The following WDR1 variants were observed in gnomAD, a reference collection of about 807,000 sequenced individuals.
The protein encoded by WDR1 is WD repeat-containing protein 1.
Under a neutral mutation model 71.9 loss-of-function variants are expected in WDR1, and 21 were observed. That is an observed-to-expected ratio of 0.29 (90% confidence interval 0.21 to 0.42). The LOEUF is 0.42. Among genes scored for constraint, WDR1 ranks in the 10% least tolerant of loss-of-function variants. The pLI, the probability that WDR1 is intolerant of heterozygous loss-of-function variation, is 1.00. For missense variants in WDR1, 696 were observed against 824.5 expected (o/e 0.84, Z 1.91); for synonymous variants, 424 against 347.4 (o/e 1.22, Z -2.45).
At chr4:10,098,013 A>G in intron 4 of WDR1, 122 bp from the exon 5 acceptor site, 5 of 1,019,056 alleles carry the variant, frequency 4.9e-6, no homozygotes, top group Non-Finnish European at 6.9e-6. Flanking sequence ...GTCAGCAGGC[A>G]GCTCAGAACG....
At chr4:10,102,301 C>T (rs1457010490) in intron 3 of WDR1, among the ~76,000 whole-genome samples, 2 of 152,216 alleles carry the variant, frequency 1.3e-5, no homozygotes, top group Admixed American at 6.5e-5. Context: ...ACTAAGGCTA[C>T]GCCACCAGTA....
chr4:10,116,798 G>T lies in WDR1; in HGVS notation c.-132C>A, dbSNP rs1461808785. 1.1e-5 allele frequency: 12 copies of T among 1,099,088 alleles called. No individual in the cohort carries two copies. The highest frequency in any genetic ancestry group is 3.5e-4 in the Middle Eastern group (1 of 2,850). The allele number at this position is 1,099,088 out of a possible 1,614,324, so 68.1% of individuals were successfully genotyped here. A position where few individuals can be genotyped will look rare whatever the true frequency, so the allele number is the denominator to read the frequency against. ...CGGCACCGGGCGTGCCGGGAGTGGA[G>T]TGGGCGGTCCGAGGCCGGGGCTCAG... is the stretch of plus-strand genomic sequence containing the variant. On this transcript the variant is annotated 5_prime_UTR_variant, in exon 1 of 15. Transcript: ENST00000499869.
intron 6 of WDR1, 121 bp from the exon 7 acceptor site, chr4:10,088,494 T>A: frequency 8.3e-7 from 1 of 1,199,192 alleles, no homozygotes; most frequent in Non-Finnish European, 1.2e-6. Context: ...CAGTGTGGTT[T>A]AAAAGCAGAC....
Position 10,074,632 on chromosome 4 carries a change from T to G in WDR1, c.*746A>C, listed in dbSNP as rs1381558695. On this transcript the variant is annotated 3_prime_UTR_variant, in exon 15 of 15. Transcript: ENST00000499869. ...AAGACAGGGGAACATCAAAGCATGA[T>G]GGTGAAACGGTGACCAGGACACCTC... 1 of 152,628 alleles carries G rather than the reference T, an allele frequency of 6.6e-6. No homozygotes were observed. Among genetic ancestry groups the G allele is most frequent in the African/African-American group, 2.4e-5 (1 of 41,448 alleles). 9.5% of individuals were successfully genotyped at this position (152,628 alleles called of 1,614,324 possible).
intron 9 of WDR1, 29 bp downstream of exon 9, chr4:10,084,414 C>G (rs1010052680): frequency 2.5e-6 from 4 of 1,605,016 alleles, no homozygotes; most frequent in Admixed American, 3.4e-5. Context: ...CCAGCGGCTC[C>G]GGAGCCAGCT....
chr4:10,085,300 AC>A (rs1765169004), intron 8 of WDR1, among the ~76,000 whole-genome samples: 1 of 152,226 alleles, frequency 6.6e-6, no homozygotes, highest in East Asian at 1.9e-4. Context: ...GTGGTATGCC[AC>A]ATGTTGCCAC....
chr4:10,090,899 G>A (rs908426776), intron 5 of WDR1, among the ~76,000 whole-genome samples: 2 of 152,212 alleles, frequency 1.3e-5, no homozygotes, highest in African/African-American at 2.4e-5. Flanking sequence ...CTTGCATTCC[G>A]TTCTATGACT....
chr4:10,102,012 T>C (rs1578440704), intron 3 of WDR1, among the ~76,000 whole-genome samples: 1 of 152,184 alleles, frequency 6.6e-6, no homozygotes, highest in African/African-American at 2.4e-5. Flanking sequence ...ACAAAAACCA[T>C]TAAATGCCTA....
intron 14 of WDR1, chr4:10,076,732 T>A: frequency 6.6e-6 from 1 of 152,478 alleles, no homozygotes; most frequent in Non-Finnish European, 1.5e-5. Flanking sequence ...GGAGAATGGA[T>A]GAGGGGACTT....
chr4:10,116,587 G>C (rs1713754024), intron 1 of WDR1, 64 bp downstream of exon 1: 1 of 1,136,826 alleles, frequency 8.8e-7, no homozygotes, highest in African/African-American at 1.6e-5. Flanking sequence ...CGGCGCCTAG[G>C]GGCCGGGGAC....
At chr4:10,078,790 C>T (rs1341473755) in intron 12 of WDR1, 101 bp downstream of exon 12, 37 of 1,021,498 alleles carry the variant, frequency 3.6e-5, no homozygotes, top group Admixed American at 4.7e-5. Context: ...CCTGACCCCT[C>T]GCCTTCCCTG....
At chr4:10,089,708 T>C (rs1471497535) in intron 5 of WDR1, among the ~76,000 whole-genome samples, 1 of 152,190 alleles carries the variant, frequency 6.6e-6, no homozygotes, top group Non-Finnish European at 1.5e-5. Flanking sequence ...GCTCAGCAGG[T>C]ACGAACACTA....
chr4:10,088,908 T>C (rs557548149), intron 5 of WDR1, among the ~76,000 whole-genome samples, 167 bp from the exon 6 acceptor site: 5 of 152,214 alleles, frequency 3.3e-5, no homozygotes, highest in Admixed American at 6.5e-5. Context: ...AGTCCCTTAG[T>C]GGAGGGGCAG....
intron 6 of WDR1, 121 bp downstream of exon 6, chr4:10,088,542 TG>T: frequency 1.8e-6 from 2 of 1,125,540 alleles, no homozygotes; most frequent in African/African-American, 1.5e-5. Context: ...TCTGCAGATG[TG>T]GGGAGGGCGA....
intron 4 of WDR1, among the ~76,000 whole-genome samples, chr4:10,098,226 C>T (rs1377623507): frequency 2.0e-5 from 3 of 152,212 alleles, no homozygotes; most frequent in Non-Finnish European, 4.4e-5. Flanking sequence ...GAACAGTTAC[C>T]ATCCCCTACA....
intron 3 of WDR1, among the ~76,000 whole-genome samples, chr4:10,100,956 C>T (rs1195803794): frequency 6.6e-6 from 1 of 152,258 alleles, no homozygotes; most frequent in Non-Finnish European, 1.5e-5. Flanking sequence ...CATGCTGCCC[C>T]ATGGAGAAGA....
In WDR1 at chr4:10,075,267, T is replaced by A; in HGVS notation, c.*111A>T. The stretch of plus-strand genomic sequence containing the variant: ...CATGACTGGGCCCTCCTGCCTCTTG[T>A]GGTGGGGTGGGGGCATGGGGGCGCG... On this transcript the variant is annotated 3_prime_UTR_variant, in exon 15 of 15. Transcript: ENST00000499869. The A allele has an allele frequency of 1.1e-6, 1 of 872,834 alleles. No individual in the cohort carries two copies. Among genetic ancestry groups the A allele is most frequent in the Non-Finnish European group, 1.8e-6 (1 of 545,852 alleles). 54.1% of individuals were successfully genotyped at this position (872,834 alleles called of 1,614,324 possible). A position where few individuals can be genotyped will look rare whatever the true frequency, so the allele number is the denominator to read the frequency against.
chr4:10,091,503 G>A (rs1711980697), intron 5 of WDR1: 1 of 152,270 alleles, frequency 6.6e-6, no homozygotes, highest in Non-Finnish European at 1.5e-5. Context: ...GGAGCAGCGG[G>A]TAACTCAAAG....
At chr4:10,106,329 T>C (rs1040402041) in intron 2 of WDR1, 1 of 152,262 alleles carries the variant, frequency 6.6e-6, no homozygotes, top group Admixed American at 6.5e-5. Flanking sequence ...AATTAGTCCT[T>C]CATATTCTGA....
Sources: gnomAD v4.1 joint callset for allele counts (sites outside exome capture counted in the v4.1 genomes callset) on GRCh38, gnomAD v4.1.1 for gene constraint, MANE v1.5 for transcripts, NCBI Gene and HGNC (gene_info 2026-07-23, HGNC 2026-07-21) for gene names.